Variants in PLAAT3 observed in about 807,000 individuals in gnomAD.
The protein encoded by PLAAT3 is phospholipase A and acyltransferase 3, also known as Ca-independent phospholipase A1/2.
A neutral mutation model predicts 16.7 loss-of-function variants in PLAAT3; 21 were observed. The observed-to-expected ratio is 1.26, with a 90% CI of 0.89 to 1.81. PLAAT3 has a LOEUF of 1.81. Ranked by LOEUF, PLAAT3 falls within the 40% of genes most tolerant of loss-of-function variation. PLAAT3 has a pLI of 0.00. For synonymous variants in PLAAT3, 76 were observed against 81.7 expected (o/e 0.93, Z 0.38); for missense variants, 219 against 213.7 (o/e 1.02, Z -0.16).
At chr11:63,615,264 GTGTGTATATA>G (rs1439881267), upstream of PLAAT3, among the ~76,000 whole-genome samples, 191 of 125,614 alleles carry the variant, frequency 1.5e-3, 53 homozygotes, top group African/African-American at 4.2e-3. Context: ...GTATATATAT[GTGTGTATATA>G]TGTGTATATA....
chr11:63,615,064 G>GTGTGTGTATA (rs1555047810), upstream of PLAAT3, among the ~76,000 whole-genome samples: 108 of 8,294 alleles, frequency 0.013, 37 homozygotes, highest in East Asian at 0.26. Flanking sequence ...GTATATATAT[G>GTGTGTGTATA]TGTGTATATA....
At chr11:63,610,913 A>G (rs1477113966) in intron 2 of PLAAT3, among the ~76,000 whole-genome samples, 1 of 152,068 alleles carries the variant, frequency 6.6e-6, no homozygotes, top group Non-Finnish European at 1.5e-5. Flanking sequence ...AGGAGGCATC[A>G]CAGGCTGAAC....
intron 4 of PLAAT3, 67 bp downstream of exon 4, chr11:63,590,033 G>GC: frequency 6.7e-7 from 1 of 1,497,020 alleles, no homozygotes; most frequent in Non-Finnish European, 9.2e-7. Flanking sequence ...CCATAGCCAT[G>GC]CCCAGCCTCC....
chr11:63,613,954 C>T, intron 2 of PLAAT3, 46 bp downstream of exon 2: 1 of 1,218,900 alleles, frequency 8.2e-7, no homozygotes, highest in Admixed American at 1.7e-5. Flanking sequence ...TCCCCACTAA[C>T]AGGGGGCTCC....
chr11:63,588,128 G>T (rs1470416011), intron 4 of PLAAT3, among the ~76,000 whole-genome samples: 1 of 152,064 alleles, frequency 6.6e-6, no homozygotes, highest in Non-Finnish European at 1.5e-5. Flanking sequence ...GGAGTGCAGT[G>T]GTGTGATCTC....
intron 2 of PLAAT3, among the ~76,000 whole-genome samples, chr11:63,610,132 C>T (rs1565257719): frequency 1.3e-5 from 2 of 152,220 alleles, no homozygotes; most frequent in African/African-American, 2.4e-5. Context: ...CCAAGTAATT[C>T]ACTCCAAGGT....
chr11:63,601,819 TAAA>T (rs552731197), intron 2 of PLAAT3, among the ~76,000 whole-genome samples: 17 of 150,854 alleles, frequency 1.1e-4, no homozygotes, highest in African/African-American at 4.1e-4. Flanking sequence ...CTACCAAAAA[TAAA>T]AAAAATTAGC....
At chr11:63,615,763 G>C (rs890363822), upstream of PLAAT3, among the ~76,000 whole-genome samples, 1 of 150,706 alleles carries the variant, frequency 6.6e-6, no homozygotes. Flanking sequence ...TCTGCCTTCC[G>C]GGCAAGCGAT....
chr11:63,603,639 A>G (rs536414595), intron 2 of PLAAT3, among the ~76,000 whole-genome samples: 4 of 151,616 alleles, frequency 2.6e-5, no homozygotes, highest in African/African-American at 4.8e-5. Context: ...AAGTTGAAGG[A>G]AAAAAAAGAA....
chr11:63,613,960 G>A (rs777330726), intron 2 of PLAAT3, 40 bp downstream of exon 2: 3 of 1,275,284 alleles, frequency 2.4e-6, no homozygotes, highest in East Asian at 2.3e-5. Context: ...CTAACAGGGG[G>A]CTCCCAGCCC....
At position 63,590,342 on chromosome 11, in the gene PLAAT3, T is replaced by C; in HGVS notation, c.145A>G (p.Ser49Gly). Residue 49 changes from serine (S) to glycine (G), a missense_variant, in exon 4 of 5, where the codon AGT becomes GGT. Ser to Gly is a moderately conservative substitution (Grantham distance 56). Transcript: ENST00000415826. ...TTGTCAGTCAGGGCGGACATGACAC[T>C]GGCTGCACCAGCTCCTGCGACCTCA... ...PSEVAGAGAA[S>G]VMSALTDKAI... 1 of 1,614,156 alleles carries C rather than the reference T, an allele frequency of 6.2e-7. No homozygotes were observed. The highest frequency in any genetic ancestry group is 2.2e-5 in the East Asian group (1 of 44,882).
chr11:63,577,724 A>C (rs1937654145), intron 4 of PLAAT3, among the ~76,000 whole-genome samples: 1 of 152,198 alleles, frequency 6.6e-6, no homozygotes, highest in African/African-American at 2.4e-5. Context: ...CTATCATTAG[A>C]TCGCTTCTCG....
upstream of PLAAT3, among the ~76,000 whole-genome samples, chr11:63,615,242 A>ATATGTGTG (rs773527764): frequency 0.63 from 11,626 of 18,590 alleles, 4,534 homozygotes; most frequent in South Asian, 0.88. Context: ...ATATATGTGT[A>ATATGTGTG]TATATGTGTG....
At chr11:63,598,510 T>TAA (rs1269996875) in intron 2 of PLAAT3, among the ~76,000 whole-genome samples, 3 of 152,262 alleles carry the variant, frequency 2.0e-5, no homozygotes, top group African/African-American at 7.2e-5. Context: ...GATGGCTCAA[T>TAA]AAATCCACAC....
At chr11:63,588,202 T>C (rs1390483516) in intron 4 of PLAAT3, among the ~76,000 whole-genome samples, 4 of 152,098 alleles carry the variant, frequency 2.6e-5, no homozygotes, top group African/African-American at 9.7e-5. Flanking sequence ...CCTGAGTAGC[T>C]GAGATTACAG....
intron 4 of PLAAT3, among the ~76,000 whole-genome samples, chr11:63,577,586 T>C (rs1246385096): frequency 1.3e-5 from 2 of 152,040 alleles, no homozygotes; most frequent in South Asian, 2.1e-4. Flanking sequence ...ACAGAAACTA[T>C]ATCTAGAAAA....
At chr11:63,610,891 A>G (rs1683110969) in intron 2 of PLAAT3, among the ~76,000 whole-genome samples, 1 of 152,082 alleles carries the variant, frequency 6.6e-6, no homozygotes. Context: ...AGAGGAGAGA[A>G]ATAATCACAG....
chr11:63,615,727 T>C (rs2510840), upstream of PLAAT3, among the ~76,000 whole-genome samples: 1 of 151,716 alleles, frequency 6.6e-6, no homozygotes, highest in African/African-American at 2.4e-5. Flanking sequence ...TGGAGTGCAG[T>C]GGCTCTATCT....
At chr11:63,577,589 C>G (rs779249121) in intron 4 of PLAAT3, among the ~76,000 whole-genome samples, 13 of 152,010 alleles carry the variant, frequency 8.6e-5, no homozygotes, top group Non-Finnish European at 1.6e-4. Context: ...GAAACTATAT[C>G]TAGAAAAGAA....
Sources: allele counts gnomAD v4.1 joint callset (sites outside exome capture counted in the v4.1 genomes callset), GRCh38; gene constraint gnomAD v4.1.1; transcripts MANE v1.5; gene names NCBI Gene and HGNC (gene_info 2026-07-23, HGNC 2026-07-21).